BAZ2B: variants seen among roughly 807,000 people sequenced by gnomAD.
BAZ2B encodes the protein bromodomain adjacent to zinc finger domain 2B.
BAZ2B carries 91 observed loss-of-function variants against 246.0 expected under a neutral mutation model. The observed-to-expected ratio is 0.37, with a 90% CI of 0.31 to 0.44. The LOEUF is 0.44. Ranked by LOEUF, BAZ2B falls within the 20% of genes least tolerant of loss-of-function variation. BAZ2B has a pLI of 1.00. For synonymous variants in BAZ2B, 855 were observed against 860.0 expected (o/e 0.99, Z 0.10); for missense variants, 2,332 against 2,533.7 (o/e 0.92, Z 1.71).
At chr2:159,577,872 T>C (rs1276359619) in intron 1 of BAZ2B, among the ~76,000 whole-genome samples, 2 of 152,180 alleles carry the variant, frequency 1.3e-5, no homozygotes, top group African/African-American at 4.8e-5. Context: ...ATTCTTAAAG[T>C]AATTAAAAGA....
At chr2:159,682,904 A>ACCC in the BAZ2B span, among the ~76,000 whole-genome samples, 4 of 95,406 alleles carry the variant, frequency 4.2e-5, no homozygotes, top group Admixed American at 2.6e-4. Flanking sequence ...ATAAACTGCC[A>ACCC]CCCCTCCCCC....
Position 159,325,136 on chromosome 2 carries a change from T to TG in BAZ2B, c.6210-183_6210-182insC, listed in dbSNP as rs1558945402. On this transcript the variant is annotated intron_variant, in intron 35 of 36. Coordinates refer to ENST00000392783, the MANE Select transcript of BAZ2B (RefSeq NM_013450.4). ...TATATTTTATATATATATATATATA[T>TG]ATATATATATATGAGATAGGGTCTT... Among the ~76,000 whole-genome samples the TG allele has an allele frequency of 6.7e-4, 30 of 44,976 alleles. 3 individuals are homozygous for TG. In the East Asian group the frequency reaches 7.8e-3, roughly 12 times the overall value. 29.5% of individuals were successfully genotyped at this position (44,976 alleles called of 152,430 possible).
chr2:159,462,923 T>C, intron 3 of BAZ2B: 2 of 1,501,826 alleles, frequency 1.3e-6, no homozygotes, highest in African/African-American at 1.4e-5. Flanking sequence ...CATCTACTTG[T>C]TTTGGCTGGG....
chr2:159,377,231 A>G (rs1320582020), intron 25 of BAZ2B, among the ~76,000 whole-genome samples: 2 of 152,188 alleles, frequency 1.3e-5, no homozygotes, highest in African/African-American at 2.4e-5. Context: ...TACCCTACTT[A>G]AAACTTAACT....
the BAZ2B span, among the ~76,000 whole-genome samples, chr2:159,654,318 G>A: frequency 6.6e-6 from 1 of 152,154 alleles, no homozygotes; most frequent in Admixed American, 6.6e-5. Context: ...AAAGAAGCAG[G>A]AGCACAGGGT....
At chr2:159,623,097 G>A in the BAZ2B span, among the ~76,000 whole-genome samples, 1 of 149,266 alleles carries the variant, frequency 6.7e-6, no homozygotes, top group Non-Finnish European at 1.5e-5. Context: ...GGAGGGAGAG[G>A]GGAGAGGGAA....
At chr2:159,660,447 T>C in the BAZ2B span, among the ~76,000 whole-genome samples, 2 of 152,214 alleles carry the variant, frequency 1.3e-5, no homozygotes, top group Admixed American at 6.5e-5. Context: ...TGTAGACATA[T>C]GTTTTCATTT....
intron 2 of BAZ2B, among the ~76,000 whole-genome samples, chr2:159,521,437 C>T (rs1168860270): frequency 6.6e-6 from 1 of 151,946 alleles, no homozygotes; most frequent in African/African-American, 2.4e-5. Context: ...AATAGATACA[C>T]ACAGAGGCTG....
chr2:159,550,758 TTAAG>T (rs1434555387), intron 2 of BAZ2B, among the ~76,000 whole-genome samples: 11 of 152,252 alleles, frequency 7.2e-5, no homozygotes, highest in Non-Finnish European at 1.6e-4. Flanking sequence ...ATCTCAATTA[TTAAG>T]TATTACTATT....
chr2:159,526,806 C>A (rs542719730), intron 2 of BAZ2B, among the ~76,000 whole-genome samples: 1 of 152,212 alleles, frequency 6.6e-6, no homozygotes, highest in East Asian at 1.9e-4. Flanking sequence ...CACTTCATTT[C>A]TCAGATATGG....
intron 1 of BAZ2B, among the ~76,000 whole-genome samples, chr2:159,565,200 A>G (rs545246078): frequency 6.6e-6 from 1 of 152,288 alleles, no homozygotes; most frequent in African/African-American, 2.4e-5. Flanking sequence ...GTCCGTGACA[A>G]GAATGTTGTC....
chr2:159,547,171 T>C (rs2087475755), intron 2 of BAZ2B, among the ~76,000 whole-genome samples: 1 of 152,186 alleles, frequency 6.6e-6, no homozygotes. Context: ...GATGTGCTAT[T>C]TGCAAAATAA....
the BAZ2B span, among the ~76,000 whole-genome samples, chr2:159,659,120 G>A: frequency 5.9e-5 from 9 of 152,316 alleles, no homozygotes; most frequent in African/African-American, 2.2e-4. Context: ...AGATTGTAGA[G>A]AATTTGTATA....
At position 159,490,339 on chromosome 2, in the gene BAZ2B, A is replaced by T. The variant is rs145735202; in HGVS notation, c.-2-11618T>A. 1.6e-3 allele frequency among the ~76,000 whole-genome samples: 239 copies of T among 152,342 alleles called. 1 individual carries two copies. The highest frequency in any genetic ancestry group is 5.2e-3 in the African/African-American group (215 of 41,576). On this transcript the variant is annotated intron_variant, in intron 2 of 36. Coordinates refer to ENST00000392783, the MANE Select transcript of BAZ2B (RefSeq NM_013450.4). ...TTTTAAACAAAATTTTATAATGCAG[A>T]AGTCCAAAATAGCAATAGAATCTAC...
intron 4 of BAZ2B, among the ~76,000 whole-genome samples, chr2:159,452,445 A>G (rs892195216): frequency 1.5e-4 from 23 of 152,346 alleles, no homozygotes; most frequent in African/African-American, 5.5e-4. Context: ...CGTTTTTCAG[A>G]TGAGAAAACT....
chr2:159,570,811 C>T (rs573972703), intron 1 of BAZ2B, among the ~76,000 whole-genome samples: 1 of 152,134 alleles, frequency 6.6e-6, no homozygotes, highest in African/African-American at 2.4e-5. Flanking sequence ...AGATGCTGTG[C>T]ATATCTTTAT....
In BAZ2B at chr2:159,412,456, A is replaced by G. The variant is rs201242871; in HGVS notation, c.2556T>C (p.Asp852=). The G allele has an allele frequency of 5.0e-6, 8 of 1,613,970 alleles. No individual in the cohort carries two copies. Among genetic ancestry groups the G allele is most frequent in the African/African-American group, 1.3e-5 (1 of 74,914 alleles). ...TGGATTCCTCTCTTGCTCGTTGTCT[A>G]TCTGGATTTGGTGGTCTTCCTCTAC... ...EGRRGRPPNP[D]RQRAREESRM... The change falls in exon 14 of 37, where the codon GAT becomes GAC. Residue 852 remains aspartate, a synonymous_variant. Transcript: ENST00000392783.
At chr2:159,394,486 G>A (rs535451807) in intron 20 of BAZ2B, among the ~76,000 whole-genome samples, 1 of 152,230 alleles carries the variant, frequency 6.6e-6, no homozygotes, top group African/African-American at 2.4e-5. Flanking sequence ...TAATCAAAAG[G>A]TTAGGGAAAA....
chr2:159,501,740 A>G (rs1168911411), intron 2 of BAZ2B, among the ~76,000 whole-genome samples: 1 of 152,230 alleles, frequency 6.6e-6, no homozygotes, highest in Non-Finnish European at 1.5e-5. Flanking sequence ...AGTTAAGAAT[A>G]TCTGAGTTCC....
Sources: allele counts gnomAD v4.1 joint callset (sites outside exome capture counted in the v4.1 genomes callset), GRCh38; gene constraint gnomAD v4.1.1; transcripts MANE v1.5; gene names NCBI Gene and HGNC (gene_info 2026-07-23, HGNC 2026-07-21).